The following SEMA3A variants were observed in gnomAD, a reference collection of about 807,000 sequenced individuals.
SEMA3A encodes the protein semaphorin 3A, also known as semaphorin-3A.
Under a neutral mutation model 97.9 loss-of-function variants are expected in SEMA3A, and 29 were observed. The ratio of observed to expected loss-of-function variants is 0.30; its 90% confidence interval spans 0.22 to 0.40. The LOEUF is 0.40. Ranked by LOEUF, SEMA3A falls within the 10% of genes least tolerant of loss-of-function variation. The probability of loss-of-function intolerance (pLI) is 1.00; values close to 1 mark genes in which losing one functional copy is unlikely to be tolerated. For synonymous variants in SEMA3A, 321 were observed against 323.7 expected, an observed-to-expected ratio of 0.99 and a Z score of 0.09; for missense variants, 763 against 951.3, an observed-to-expected ratio of 0.80 and a Z score of 2.60.
chr7:84,252,552 AT>A lies in SEMA3A; in HGVS notation c.-83+54654del, dbSNP rs1264936871. 1.1e-4 allele frequency among the ~76,000 whole-genome samples: 16 copies of A among 152,286 alleles called. 1 individual carries two copies. The highest frequency in any genetic ancestry group is 3.4e-4 in the African/African-American group (14 of 41,566). On this transcript the variant is annotated intron_variant, in intron 3 of 3. Transcript: ENST00000424555. ...ATAAAAATTACTGCTTACCTAAGAT[AT>A]TTTCCCAATGCTTGAAAGACATTTA...
intron 1 of SEMA3A, among the ~76,000 whole-genome samples, chr7:84,479,893 GACA>G (rs142844742): frequency 5.9e-5 from 9 of 152,050 alleles, no homozygotes; most frequent in South Asian, 4.2e-4. Flanking sequence ...AAGCAGCAGC[GACA>G]ACAACAACAA....
At chr7:84,359,372 C>T (rs917055806) in intron 2 of SEMA3A, among the ~76,000 whole-genome samples, 1 of 151,912 alleles carries the variant, frequency 6.6e-6, no homozygotes, top group Middle Eastern at 3.2e-3. Context: ...TTGTCAAAGG[C>T]CTTTTCTGCA....
intron 1 of SEMA3A, among the ~76,000 whole-genome samples, chr7:84,183,602 T>C (rs1215063221): frequency 1.3e-5 from 2 of 152,064 alleles, no homozygotes; most frequent in Non-Finnish European, 2.9e-5. Flanking sequence ...AGTAGGTACT[T>C]GGATACTATG....
chr7:84,082,183 C>T (rs571307879), intron 4 of SEMA3A, among the ~76,000 whole-genome samples: 4 of 152,296 alleles, frequency 2.6e-5, no homozygotes, highest in African/African-American at 9.6e-5. Context: ...TAAGTTGTAT[C>T]ATCCTAGTGA....
intron 4 of SEMA3A, among the ~76,000 whole-genome samples, chr7:84,085,331 T>C (rs1447719975): frequency 6.6e-6 from 1 of 150,968 alleles, no homozygotes; most frequent in East Asian, 1.9e-4. Flanking sequence ...AATGAGAACA[T>C]AGATGTAGGA....
At chr7:83,987,053 T>C (rs1217415138) in intron 12 of SEMA3A, among the ~76,000 whole-genome samples, 1 of 151,182 alleles carries the variant, frequency 6.6e-6, no homozygotes, top group Non-Finnish European at 1.5e-5. Flanking sequence ...CTTTAGTTCT[T>C]ATTACTGGTT....
intron 1 of SEMA3A, among the ~76,000 whole-genome samples, chr7:84,170,733 C>T (rs1339300941): frequency 6.6e-6 from 1 of 151,992 alleles, no homozygotes; most frequent in Non-Finnish European, 1.5e-5. Context: ...AATTGATCCT[C>T]ATGAAAAGCT....
At chr7:84,325,925 A>G (rs1378269053) in intron 2 of SEMA3A, among the ~76,000 whole-genome samples, 2 of 151,846 alleles carry the variant, frequency 1.3e-5, no homozygotes, top group Non-Finnish European at 2.9e-5. Context: ...CACCCCCAAC[A>G]CTAGTATCCA....
intron 3 of SEMA3A, among the ~76,000 whole-genome samples, chr7:84,275,959 A>C (rs1485797956): frequency 6.6e-6 from 1 of 152,058 alleles, no homozygotes; most frequent in Non-Finnish European, 1.5e-5. Context: ...CTCATATTAC[A>C]TTTTTATCGG....
rs114103342 is a variant in SEMA3A, at chr7:83,965,513, G to C, written c.1718-2166C>G. 6.3e-3 allele frequency among the ~76,000 whole-genome samples: 950 copies of C among 149,650 alleles called. 7 individuals are homozygous for C. The highest frequency in any genetic ancestry group is 0.022 in the African/African-American group (883 of 40,854). On this transcript the variant is annotated intron_variant, in intron 15 of 16. Coordinates refer to ENST00000265362, the MANE Select transcript of SEMA3A (RefSeq NM_006080.3). ...TATGGTATAAATTACTACTCTCAAA[G>C]ATAGAATTTCATATAAATCCTTCAA...
intron 4 of SEMA3A, among the ~76,000 whole-genome samples, chr7:84,091,265 GAAAA>G (rs1794590161): frequency 1.8e-5 from 2 of 112,160 alleles, no homozygotes; most frequent in African/African-American, 6.2e-5. Context: ...GAAGGAAAGA[GAAAA>G]AGAAAGAAAA....
intron 3 of SEMA3A, among the ~76,000 whole-genome samples, chr7:84,245,967 C>G (rs560531008): frequency 6.6e-6 from 1 of 152,296 alleles, no homozygotes; most frequent in Non-Finnish European, 1.5e-5. Flanking sequence ...CGCCCCTTTC[C>G]CCAGGTGCTC....
At chr7:84,091,163 G>GAAAGAAAGAAA (rs1554324891) in intron 4 of SEMA3A, among the ~76,000 whole-genome samples, 1 of 25,624 alleles carries the variant, frequency 3.9e-5, no homozygotes, top group Non-Finnish European at 8.3e-5. Context: ...AAGGAAGGAA[G>GAAAGAAAGAAA]GAAGGAAAGA....
chr7:84,313,265 A>G (rs1801391073), intron 2 of SEMA3A, among the ~76,000 whole-genome samples: 1 of 140,068 alleles, frequency 7.1e-6, no homozygotes, highest in Non-Finnish European at 1.5e-5. Flanking sequence ...CTCGCCTTCC[A>G]TTTTTCTCTC....
chr7:84,107,198 A>C (rs1391510749), intron 4 of SEMA3A, among the ~76,000 whole-genome samples: 2 of 152,174 alleles, frequency 1.3e-5, no homozygotes, highest in African/African-American at 4.8e-5. Flanking sequence ...CAATAGTAGA[A>C]GTATACACTG....
At chr7:84,084,554 T>C (rs1794271516) in intron 4 of SEMA3A, among the ~76,000 whole-genome samples, 1 of 151,688 alleles carries the variant, frequency 6.6e-6, no homozygotes, top group South Asian at 2.1e-4. Context: ...ATAGGTAAAA[T>C]CATTTACAAT....
At chr7:84,415,896 G>A (rs988910762) in intron 1 of SEMA3A, among the ~76,000 whole-genome samples, 6 of 151,646 alleles carry the variant, frequency 4.0e-5, no homozygotes, top group African/African-American at 1.5e-4. Flanking sequence ...GTGTATCATT[G>A]GCAAACTTAA....
Position 83,961,128 on chromosome 7 carries a change from G to A in SEMA3A, c.*243C>T. On this transcript the variant is annotated 3_prime_UTR_variant, in exon 17 of 17. Transcript: ENST00000265362. ...AGTGAAATCTCATAGGAAACATTAA[G>A]TCTGCTAAAGTGAACATCTGCATTC... The A allele has an allele frequency of 1.9e-6, 1 of 514,280 alleles. No individual in the cohort carries two copies. Among genetic ancestry groups the A allele is most frequent in the South Asian group, 2.2e-5 (1 of 45,848 alleles). The allele number at this position is 514,280 out of a possible 1,614,324, so 31.9% of individuals were successfully genotyped here.
chr7:83,978,121 T>A (rs1048678316), intron 14 of SEMA3A, among the ~76,000 whole-genome samples: 4 of 152,150 alleles, frequency 2.6e-5, no homozygotes, highest in Admixed American at 2.6e-4. Context: ...TGTTCTTTTT[T>A]AAAACAGTTT....
Sources: allele counts gnomAD v4.1 joint callset (sites outside exome capture counted in the v4.1 genomes callset), GRCh38; gene constraint gnomAD v4.1.1; transcripts MANE v1.5; gene names NCBI Gene and HGNC (gene_info 2026-07-23, HGNC 2026-07-21).